AFF2: variants seen among roughly 807,000 people sequenced by gnomAD.
AFF2 encodes the protein ALF transcription elongation factor 2.
Under a neutral mutation model 76.9 loss-of-function variants are expected in AFF2, and 14 were observed. The ratio of observed to expected loss-of-function variants is 0.18; its 90% CI spans 0.12 to 0.28. The LOEUF is 0.28. Among genes scored for constraint, AFF2 ranks in the 10% least tolerant of loss-of-function variants. AFF2 has a pLI of 1.00. For missense variants in AFF2, 868 were observed against 1,001.1 expected, an observed-to-expected ratio of 0.87 and a Z score of 1.79; for synonymous variants, 398 against 366.7, an observed-to-expected ratio of 1.09 and a Z score of -0.98.
chrX:148,899,911 C>A (rs2071335750), intron 8 of AFF2, among the ~76,000 whole-genome samples: 1 of 110,300 alleles, frequency 9.1e-6, no homozygotes, highest in Non-Finnish European at 1.9e-5. Context: ...TCAGAGCATG[C>A]TTCTTATAAC....
At chrX:148,952,453 C>T (rs1172884077) in intron 9 of AFF2, among the ~76,000 whole-genome samples, 4 of 111,353 alleles carry the variant, frequency 3.6e-5, no homozygotes, top group Non-Finnish European at 7.5e-5. Flanking sequence ...AAACAGGCCC[C>T]GAGCACTCCC....
chrX:148,722,993 A>G (rs781850443), intron 3 of AFF2, among the ~76,000 whole-genome samples: 9 of 110,860 alleles, frequency 8.1e-5, no homozygotes, highest in Non-Finnish European at 1.5e-4. Context: ...CATTTTTCTC[A>G]TGCTTCATGA....
Position 148,956,207 on chromosome X carries a change from A to G in AFF2, c.2162A>G (p.Asn721Ser). 3 of 1,211,309 alleles carry G rather than the reference A, an allele frequency of 2.5e-6. No homozygotes were observed. Among genetic ancestry groups the G allele is most frequent in the South Asian group, 3.5e-5 (2 of 56,869 alleles). The change falls in exon 11 of 21, where the codon AAC becomes AGC. Residue 721 changes from asparagine (N) to serine (S), a missense_variant. Around this residue, in one of 6 missense-constraint regions of AFF2, gnomAD observed 532 missense variants for 564.2 expected, o/e 0.94. Coordinates refer to ENST00000370460, the MANE Select transcript of AFF2 (RefSeq NM_002025.4). The part of the protein sequence containing the change: ...IETDSSTSDS[N>S]TDQEETLQIK... ...ACAGATTCATCTACATCTGACTCCAACACAGATCAGGAAGAGACCCTGCAA... is the reference window on the plus strand; with the variant it reads ...ACAGATTCATCTACATCTGACTCCAGCACAGATCAGGAAGAGACCCTGCAA...
intron 1 of AFF2, among the ~76,000 whole-genome samples, chrX:148,570,797 G>A (rs1029882970): frequency 2.7e-5 from 3 of 111,137 alleles, no homozygotes; most frequent in African/African-American, 9.8e-5. Flanking sequence ...TCTGGTAACC[G>A]CATCCGTTCC....
At chrX:148,649,356 A>G (rs1000659136) in intron 1 of AFF2, among the ~76,000 whole-genome samples, 2 of 112,222 alleles carry the variant, frequency 1.8e-5, no homozygotes, top group South Asian at 3.7e-4. Context: ...CCTCATCACC[A>G]TGTAGTTCAT....
At chrX:148,845,242 C>A (rs2070652937) in intron 7 of AFF2, among the ~76,000 whole-genome samples, 1 of 111,084 alleles carries the variant, frequency 9.0e-6, no homozygotes, top group African/African-American at 3.3e-5. Flanking sequence ...ACTCCTAAAG[C>A]AAGAGTATTA....
intron 3 of AFF2, among the ~76,000 whole-genome samples, chrX:148,705,376 T>TAGTGATCAAAGAGC (rs1399476354): frequency 1.8e-5 from 2 of 112,223 alleles, no homozygotes; most frequent in South Asian, 3.7e-4. Context: ...ACATGGGATG[T>TAGTGATCAAAGAGC]AGTGATCAAA....
chrX:148,740,179 A>G (rs1557265494), intron 3 of AFF2, among the ~76,000 whole-genome samples: 1 of 111,425 alleles, frequency 9.0e-6, no homozygotes. Flanking sequence ...TGCTTCTTGT[A>G]TATGCATGTC....
chrX:148,603,909 A>G (rs1557248441), intron 1 of AFF2, among the ~76,000 whole-genome samples: 5 of 109,213 alleles, frequency 4.6e-5, no homozygotes, highest in South Asian at 3.9e-4. Flanking sequence ...ATTTGAATCT[A>G]TTCTCCCTCG....
rs185577583 is a variant in AFF2, at chrX:148,529,704, A to G, written c.47+28560A>G. ...GTAGGAGTACTCCCACCACATGGCA[A>G]CCTGCTTTGAGGCTTCTAGCACCCT... On this transcript the variant is annotated intron_variant, in intron 1 of 20. Transcript: ENST00000370460. Among the ~76,000 whole-genome samples the G allele has an allele frequency of 5.6e-4, 63 of 111,906 alleles. 1 individual carries two copies. Among genetic ancestry groups the G allele is most frequent in the South Asian group, 3.8e-4 (1 of 2,658 alleles).
intron 7 of AFF2, among the ~76,000 whole-genome samples, chrX:148,869,848 G>A (rs2070951425): frequency 9.0e-6 from 1 of 111,284 alleles, no homozygotes; most frequent in Non-Finnish European, 1.9e-5. Context: ...CTCTCTCCCT[G>A]AGTCTCTTCA....
intron 1 of AFF2, among the ~76,000 whole-genome samples, chrX:148,559,121 C>T (rs953703583): frequency 1.8e-5 from 2 of 111,418 alleles, no homozygotes; most frequent in Non-Finnish European, 3.8e-5. Flanking sequence ...TTCTTTTCTA[C>T]TCCCTCATCA....
At chrX:148,760,094 T>C (rs1388177199) in intron 3 of AFF2, among the ~76,000 whole-genome samples, 2 of 112,559 alleles carry the variant, frequency 1.8e-5, no homozygotes, top group Non-Finnish European at 3.8e-5. Context: ...TATTAATGTT[T>C]TAAAATTAAA....
intron 1 of AFF2, among the ~76,000 whole-genome samples, chrX:148,602,999 C>T (rs1305528216): frequency 1.8e-5 from 2 of 110,871 alleles, no homozygotes; most frequent in Non-Finnish European, 3.8e-5. Flanking sequence ...GGACTTTCCC[C>T]TCTTCCAATC....
intron 1 of AFF2, among the ~76,000 whole-genome samples, chrX:148,557,068 A>G (rs1385778017): frequency 8.9e-6 from 1 of 112,196 alleles, no homozygotes; most frequent in Non-Finnish European, 1.9e-5. Flanking sequence ...TGTGGCTCTA[A>G]GATAATGAGC....
At chrX:148,783,644 C>T (rs2069773784) in intron 3 of AFF2, among the ~76,000 whole-genome samples, 1 of 111,695 alleles carries the variant, frequency 9.0e-6, no homozygotes, top group Admixed American at 9.5e-5. Flanking sequence ...CATTCTAGAA[C>T]TTAATAACCA....
At chrX:148,784,830 C>T (rs1164238595) in intron 3 of AFF2, among the ~76,000 whole-genome samples, 3 of 111,003 alleles carry the variant, frequency 2.7e-5, no homozygotes, top group Admixed American at 1.9e-4. Flanking sequence ...ACAGGTGCAC[C>T]GTGACTAATT....
chrX:148,839,695 C>T (rs2070572330), intron 5 of AFF2, among the ~76,000 whole-genome samples: 1 of 111,748 alleles, frequency 8.9e-6, no homozygotes, highest in South Asian at 3.7e-4. Context: ...TTCCTCAGTG[C>T]TTCCACCAGA....
chrX:148,871,698 C>A (rs782171270), intron 7 of AFF2, among the ~76,000 whole-genome samples: 2 of 111,250 alleles, frequency 1.8e-5, no homozygotes, highest in East Asian at 2.9e-4. Flanking sequence ...TCTTTACTAC[C>A]CTCAGGTTTG....
Sources: allele counts gnomAD v4.1 joint callset (sites outside exome capture counted in the v4.1 genomes callset), GRCh38; gene constraint gnomAD v4.1.1; regional missense constraint gnomAD v4.1.1; transcripts MANE v1.5; gene names NCBI Gene and HGNC (gene_info 2026-07-23, HGNC 2026-07-21).